The following MAPRE3 variants were observed in gnomAD, a reference collection of about 807,000 sequenced individuals.
The protein encoded by MAPRE3 is microtubule-associated protein RP/EB family member 3.
Under a neutral mutation model 30.5 loss-of-function variants are expected in MAPRE3, and 2 were observed. The ratio of observed to expected loss-of-function variants is 0.07; its 90% CI spans 0.03 to 0.21. MAPRE3 has a LOEUF of 0.21. Ranked by LOEUF, MAPRE3 falls within the 10% of genes least tolerant of loss-of-function variation. The probability of loss-of-function intolerance (pLI) is 1.00; values close to 1 mark genes in which losing one functional copy is unlikely to be tolerated. For synonymous variants in MAPRE3, 110 were observed against 127.7 expected, an observed-to-expected ratio of 0.86 and a Z score of 0.93; for missense variants, 204 against 351.8, an observed-to-expected ratio of 0.58 and a Z score of 3.36.
chr2:26,989,974 C>T (rs947363222), intron 1 of MAPRE3, among the ~76,000 whole-genome samples: 2 of 152,114 alleles, frequency 1.3e-5, no homozygotes, highest in African/African-American at 4.8e-5. Context: ...AGGCCAGGAG[C>T]TCAAGACAAG....
intron 1 of MAPRE3, chr2:27,012,157 G>T (rs1274514038): frequency 6.7e-6 from 1 of 149,756 alleles, no homozygotes; most frequent in Non-Finnish European, 1.5e-5. Context: ...AGTGAGCCGA[G>T]ATCATGCCAC....
intron 1 of MAPRE3, among the ~76,000 whole-genome samples, chr2:26,998,079 G>A (rs1176874653): frequency 6.6e-6 from 1 of 152,206 alleles, no homozygotes; most frequent in Non-Finnish European, 1.5e-5. Context: ...GCAGTACTGG[G>A]AATGTTTGTC....
At position 27,015,297 on chromosome 2, in the gene MAPRE3, T is replaced by A. The variant is rs766587642; in HGVS notation, c.-7-6915T>A. Reference sequence around the variant, plus strand: ...CAGCACTGTGTACACATGGCTCACTTAATCCTCATAACTGTTCTGTGAGGT... The same window carrying A: ...CAGCACTGTGTACACATGGCTCACTAAATCCTCATAACTGTTCTGTGAGGT... On this transcript the variant is annotated intron_variant, in intron 1 of 6. Transcript: ENST00000233121. The surrounding 1 kb of genome is among the most constrained non-coding windows in gnomAD (Gnocchi z 4.0). 6.6e-6 allele frequency among the ~76,000 whole-genome samples: 1 copy of A among 152,242 alleles called. No individual in the cohort carries two copies. The highest frequency in any genetic ancestry group is 2.1e-4 in the South Asian group (1 of 4,832).
At chr2:27,009,490 T>C (rs531875472) in intron 1 of MAPRE3, among the ~76,000 whole-genome samples, 1 of 152,394 alleles carries the variant, frequency 6.6e-6, no homozygotes, top group Non-Finnish European at 1.5e-5. Flanking sequence ...TTCTAAGCAC[T>C]GTAATTTCAT....
At chr2:26,991,860 G>A (rs1367345456) in intron 1 of MAPRE3, among the ~76,000 whole-genome samples, 2 of 151,996 alleles carry the variant, frequency 1.3e-5, no homozygotes, top group African/African-American at 4.8e-5. Flanking sequence ...TAAAAGCATC[G>A]GGCATTCCTC....
At chr2:26,977,922 G>A (rs751659783) in intron 1 of MAPRE3, among the ~76,000 whole-genome samples, 5 of 152,224 alleles carry the variant, frequency 3.3e-5, no homozygotes, top group Admixed American at 6.5e-5. Context: ...CTGAGGATCC[G>A]GGACTTCGAG....
At chr2:27,008,330 C>T (rs1198339032) in intron 1 of MAPRE3, among the ~76,000 whole-genome samples, 1 of 152,134 alleles carries the variant, frequency 6.6e-6, no homozygotes, top group Non-Finnish European at 1.5e-5. Flanking sequence ...TGGCGCATGC[C>T]TGTAATCCCG....
chr2:26,993,607 A>C (rs900421808), intron 1 of MAPRE3, among the ~76,000 whole-genome samples: 1 of 152,078 alleles, frequency 6.6e-6, no homozygotes, highest in Non-Finnish European at 1.5e-5. Context: ...AGTTCTGGGG[A>C]GGTCGGGAGG....
chr2:27,002,711 C>G (rs188198410), intron 1 of MAPRE3: 50 of 152,340 alleles, frequency 3.3e-4, no homozygotes, highest in African/African-American at 1.2e-3. Flanking sequence ...GGCCCTTGTG[C>G]TGATGGGCAC....
chr2:27,004,010 A>C (rs1354451589), intron 1 of MAPRE3, among the ~76,000 whole-genome samples: 5 of 152,168 alleles, frequency 3.3e-5, no homozygotes, highest in African/African-American at 1.2e-4. Context: ...CATGTTTCAC[A>C]TGTTTGTTGG....
intron 1 of MAPRE3, among the ~76,000 whole-genome samples, chr2:26,983,973 G>A (rs1666167848): frequency 6.6e-6 from 1 of 152,186 alleles, no homozygotes; most frequent in Admixed American, 6.5e-5. Flanking sequence ...GGGATGTGAG[G>A]TTTGGAAAGA....
rs1214281124 is a variant in MAPRE3, at chr2:26,986,492, G to C, written c.-8+15690G>C. 1 of 152,134 alleles carries C rather than the reference G, an allele frequency of 6.6e-6. No individual in the cohort carries two copies. The highest frequency in any genetic ancestry group is 1.5e-5 in the Non-Finnish European group (1 of 68,034). The allele number at this position is 152,134 out of a possible 1,614,324, so 9.4% of individuals were successfully genotyped here. On this transcript the variant is annotated intron_variant, in intron 1 of 6. Coordinates refer to ENST00000233121, the MANE Select transcript of MAPRE3 (RefSeq NM_012326.4). The surrounding 1 kb of genome is among the most constrained non-coding windows in gnomAD (Gnocchi z 4.2). The stretch of plus-strand genomic sequence containing the variant: ...AGGAAACACTTCTTTATACAGAAGT[G>C]GTATCCATGGAATGTATTACCTGCA...
chr2:26,994,806 TTTCTTC>T (rs200069735), intron 1 of MAPRE3, among the ~76,000 whole-genome samples: 1 of 138,318 alleles, frequency 7.2e-6, no homozygotes, highest in African/African-American at 2.7e-5. Context: ...GACATTTTCC[TTTCTTC>T]TTCTTCTTCT....
chr2:27,010,247 T>C (rs1558382544), intron 1 of MAPRE3, among the ~76,000 whole-genome samples: 1 of 152,212 alleles, frequency 6.6e-6, no homozygotes, highest in South Asian at 2.1e-4. Flanking sequence ...GACTTTATTA[T>C]ATAAACACAT....
chr2:27,025,616 A>G lies in MAPRE3; in HGVS notation c.503A>G (p.Asn168Ser). 6.3e-7 allele frequency: 1 copy of G among 1,594,832 alleles called. No homozygotes were observed. The highest frequency in any genetic ancestry group is 1.2e-5 in the South Asian group (1 of 86,852). The stretch of plus-strand genomic sequence containing the variant: ...AGGACGTCCCCCACAGGCCCAAAAA[A>G]CATGCAGACCTCTGGCCGGCTGAGC... Reference protein sequence around the residue: ...PQRTSPTGPKNMQTSGRLSNV... With the variant: ...PQRTSPTGPKSMQTSGRLSNV... Residue 168 changes from asparagine (N) to serine (S), a missense_variant, in exon 5 of 7, where the codon AAC becomes AGC. By Grantham distance (46) the Asn-to-Ser change is conservative. Transcript: ENST00000233121.
intron 4 of MAPRE3, 142 bp from the exon 5 acceptor site, chr2:27,025,441 T>A (rs979258766): frequency 1.2e-6 from 1 of 805,770 alleles, no homozygotes; most frequent in Non-Finnish European, 1.9e-6. Flanking sequence ...TAGCTGTAGA[T>A]GCCCTTCCTG....
At chr2:27,004,781 A>G (rs1435112047) in intron 1 of MAPRE3, among the ~76,000 whole-genome samples, 2 of 151,564 alleles carry the variant, frequency 1.3e-5, no homozygotes, top group Non-Finnish European at 2.9e-5. Context: ...ATCAGTACAG[A>G]TTTATCCCAG....
chr2:26,995,045 G>A lies in MAPRE3; in HGVS notation c.-8+24243G>A, dbSNP rs180867915. 4.6e-5 allele frequency among the ~76,000 whole-genome samples: 7 copies of A among 152,070 alleles called. No homozygotes were observed. The East Asian group carries it at 1.4e-3, about 29-fold the overall frequency. On this transcript the variant is annotated intron_variant, in intron 1 of 6. Transcript: ENST00000233121. The stretch of plus-strand genomic sequence containing the variant: ...GCTCAAGACGGAATCTCACTATGTT[G>A]CCCAAGATGGCAGACATTTTTTGTA...
chr2:26,988,298 C>T (rs1008893262), intron 1 of MAPRE3, among the ~76,000 whole-genome samples: 1 of 152,194 alleles, frequency 6.6e-6, no homozygotes, highest in Non-Finnish European at 1.5e-5. Context: ...GAGGTAATAT[C>T]TGTCCTAGTC....
Sources: gnomAD v4.1 joint callset for allele counts (sites outside exome capture counted in the v4.1 genomes callset) on GRCh38, gnomAD v4.1.1 for gene constraint, Gnocchi (gnomAD v3.1) non-coding constraint, MANE v1.5 for transcripts, NCBI Gene and HGNC (gene_info 2026-07-23, HGNC 2026-07-21) for gene names.